The following IL1RAPL2 variants were observed in gnomAD, a reference collection of about 807,000 sequenced individuals.
IL1RAPL2 encodes the protein X-linked interleukin-1 receptor accessory protein-like 2.
IL1RAPL2 carries 3 observed loss-of-function variants against 44.1 expected under a neutral mutation model. That is an observed-to-expected ratio of 0.07 (90% CI 0.03 to 0.18). The LOEUF is 0.18. IL1RAPL2 is among the 10% of genes least tolerant of loss of function. The pLI is 1.00. For synonymous variants in IL1RAPL2, 181 were observed against 178.8 expected (o/e 1.01, Z -0.10); for missense variants, 391 against 496.4 (o/e 0.79, Z 2.02).
At chrX:105,679,472 AG>A (rs2147522000) in intron 6 of IL1RAPL2, among the ~76,000 whole-genome samples, 1 of 112,447 alleles carries the variant, frequency 8.9e-6, no homozygotes, top group Non-Finnish European at 1.9e-5. Context: ...TCAAAATAAA[AG>A]TCAAAAGAGC....
At chrX:105,326,452 C>T (rs947671772) in intron 5 of IL1RAPL2, among the ~76,000 whole-genome samples, 6 of 110,684 alleles carry the variant, frequency 5.4e-5, no homozygotes, top group Admixed American at 2.9e-4. Context: ...TTGTTGCTTG[C>T]GTGTTGTTGT....
chrX:104,984,454 G>A (rs2030522745), intron 2 of IL1RAPL2, among the ~76,000 whole-genome samples: 1 of 111,505 alleles, frequency 9.0e-6, no homozygotes, highest in African/African-American at 3.3e-5. Context: ...TTGCCTTCAA[G>A]GTAGCTCTGG....
intron 2 of IL1RAPL2, among the ~76,000 whole-genome samples, chrX:105,002,683 C>A (rs2030872334): frequency 2.7e-5 from 3 of 109,340 alleles, no homozygotes; most frequent in Non-Finnish European, 5.7e-5. Flanking sequence ...CCCAACCCCC[C>A]TAATATACCC....
intron 6 of IL1RAPL2, among the ~76,000 whole-genome samples, chrX:105,516,238 G>C (rs2036512917): frequency 8.9e-6 from 1 of 112,343 alleles, no homozygotes; most frequent in Admixed American, 9.4e-5. Context: ...AAATAAACCT[G>C]CACAGCAGTA....
rs1263296777 is a variant in IL1RAPL2, at chrX:105,382,449, T to A, written c.698-101864T>A. Among the ~76,000 whole-genome samples, 3 of 108,781 alleles carry A rather than the reference T, an allele frequency of 2.8e-5. No individual in the cohort carries two copies. In the Admixed American group the frequency reaches 2.9e-4, roughly 11 times the overall value. The allele number at this position is 108,781 out of a possible 115,157, so 94.5% of individuals were successfully genotyped here. ...CACTTCACACCAGTTAGAATGGCGA[T>A]CATTAAAAAGTCAGGAAACAACAGG... On this transcript the variant is annotated intron_variant, in intron 5 of 10. Transcript: ENST00000372582.
rs375700201 is a variant in IL1RAPL2, at chrX:104,886,551, G to C, written c.82+227556G>C. ...AATTCTAGGAGTACAAAAACTAAAT[G>C]GTCAGTGGAGACTAGTGCAAGATCT... On this transcript the variant is annotated intron_variant, in intron 2 of 10. Coordinates refer to ENST00000372582, the MANE Select transcript of IL1RAPL2 (RefSeq NM_017416.2). 3.9e-4 allele frequency among the ~76,000 whole-genome samples: 43 copies of C among 109,074 alleles called. 3 individuals are homozygous for C. Among genetic ancestry groups the C allele is most frequent in the Admixed American group, 2.8e-3 (29 of 10,237 alleles). 94.7% of individuals were successfully genotyped at this position (109,074 alleles called of 115,157 possible).
At chrX:105,305,958 G>A (rs1943209533) in intron 5 of IL1RAPL2, among the ~76,000 whole-genome samples, 1 of 110,656 alleles carries the variant, frequency 9.0e-6, no homozygotes, top group Non-Finnish European at 1.9e-5. Flanking sequence ...TTCCATTTAT[G>A]TCTAAGGAAT....
intron 2 of IL1RAPL2, among the ~76,000 whole-genome samples, chrX:104,968,704 GAAAC>G (rs2030172902): frequency 9.0e-6 from 1 of 111,141 alleles, no homozygotes; most frequent in South Asian, 3.7e-4. Flanking sequence ...CTATATGTCA[GAAAC>G]AAACATTTGG....
At chrX:105,660,548 TAAAA>T (rs1299762147) in intron 6 of IL1RAPL2, among the ~76,000 whole-genome samples, 2 of 110,414 alleles carry the variant, frequency 1.8e-5, no homozygotes, top group Non-Finnish European at 3.8e-5. Flanking sequence ...GATGAAGAAA[TAAAA>T]AAATAATAAC....
At chrX:105,426,017 T>G (rs977863332) in intron 5 of IL1RAPL2, among the ~76,000 whole-genome samples, 4 of 83,420 alleles carry the variant, frequency 4.8e-5, no homozygotes, top group Admixed American at 3.7e-4. Context: ...ATTTTTTCTG[T>G]TTTTTTTTTT....
At chrX:105,619,316 T>C (rs1438805153) in intron 6 of IL1RAPL2, among the ~76,000 whole-genome samples, 1 of 110,564 alleles carries the variant, frequency 9.0e-6, no homozygotes, top group Admixed American at 9.6e-5. Flanking sequence ...GTCCATGCCT[T>C]CTCCACTGAT....
intron 2 of IL1RAPL2, among the ~76,000 whole-genome samples, chrX:105,060,729 G>A (rs1242075696): frequency 9.3e-6 from 1 of 107,280 alleles, no homozygotes; most frequent in South Asian, 4.1e-4. Flanking sequence ...CCTCTTAAAT[G>A]TTACTTTTCT....
chrX:104,810,710 A>G (rs1248625648), intron 2 of IL1RAPL2, among the ~76,000 whole-genome samples: 2 of 112,096 alleles, frequency 1.8e-5, no homozygotes, highest in Non-Finnish European at 1.9e-5. Flanking sequence ...GATACAGCCT[A>G]CAACATTCTG....
chrX:105,123,023 T>C (rs7055384), intron 2 of IL1RAPL2, among the ~76,000 whole-genome samples: 7,266 of 111,425 alleles, frequency 0.065, 596 homozygotes, highest in African/African-American at 0.22. Flanking sequence ...TAAAATGAAA[T>C]TGACCACATA....
At chrX:105,262,057 A>G (rs1175601172) in intron 4 of IL1RAPL2, among the ~76,000 whole-genome samples, 2 of 112,086 alleles carry the variant, frequency 1.8e-5, no homozygotes, top group Non-Finnish European at 3.8e-5. Context: ...AGAAAAGGGT[A>G]AAGAGTTCAT....
chrX:105,110,651 T>C (rs1183862648), intron 2 of IL1RAPL2, among the ~76,000 whole-genome samples: 1 of 112,029 alleles, frequency 8.9e-6, no homozygotes, highest in East Asian at 2.8e-4. Context: ...GTAAAAATAC[T>C]GAGTGACAGC....
intron 1 of IL1RAPL2, among the ~76,000 whole-genome samples, chrX:104,576,799 G>A (rs1415929316): frequency 9.0e-6 from 1 of 111,635 alleles, no homozygotes; most frequent in Non-Finnish European, 1.9e-5. Flanking sequence ...CTCCCTCTCC[G>A]TTTTTGGATC....
rs1295425554 is a variant in IL1RAPL2, at chrX:104,677,632, G to C, written c.82+18637G>C. Among the ~76,000 whole-genome samples, 3 of 112,668 alleles carry C rather than the reference G, an allele frequency of 2.7e-5. 1 individual carries two copies. The highest frequency in any genetic ancestry group is 6.4e-5 in the African/African-American group (2 of 31,032). Reference sequence around the variant, plus strand: ...TGCTGTGGTGGGCTCTGCCCAGTTCGAGCTTCATGGCTGCTTTGTTTACCT... The same window carrying C: ...TGCTGTGGTGGGCTCTGCCCAGTTCCAGCTTCATGGCTGCTTTGTTTACCT... On this transcript the variant is annotated intron_variant, in intron 2 of 10. Coordinates refer to ENST00000372582, the MANE Select transcript of IL1RAPL2 (RefSeq NM_017416.2).
At chrX:105,055,512 A>G (rs1327140627) in intron 2 of IL1RAPL2, among the ~76,000 whole-genome samples, 1 of 112,036 alleles carries the variant, frequency 8.9e-6, no homozygotes, top group African/African-American at 3.2e-5. Flanking sequence ...TATTTTTAGC[A>G]TTACACAGTG....
Sources: gnomAD v4.1 joint callset for allele counts (sites outside exome capture counted in the v4.1 genomes callset) on GRCh38, gnomAD v4.1.1 for gene constraint, MANE v1.5 for transcripts, NCBI Gene and HGNC (gene_info 2026-07-23, HGNC 2026-07-21) for gene names.